Variants in OTOF observed in about 807,000 individuals in gnomAD.
OTOF encodes the protein fer-1-like family member 2.
A neutral mutation model predicts 236.8 loss-of-function variants in OTOF; 218 were observed. The observed-to-expected ratio is 0.92, with a 90% CI of 0.82 to 1.03. The LOEUF is 1.03. OTOF is among the 50% of genes least tolerant of loss of function. The pLI, the probability that OTOF is intolerant of heterozygous loss-of-function variation, is 0.00. For synonymous variants in OTOF, 1,041 were observed against 1,072.5 expected (o/e 0.97, Z 0.57); for missense variants, 2,590 against 2,694.4 (o/e 0.96, Z 0.86).
chr2:26,538,816 A>ATTTT (rs35315095), intron 1 of OTOF, among the ~76,000 whole-genome samples: 1,672 of 138,712 alleles, frequency 0.012, 38 homozygotes, highest in African/African-American at 0.037. Context: ...GGGAAACACC[A>ATTTT]TTTTTTTTTT....
At position 26,502,321 on chromosome 2, in the gene OTOF, G is replaced by A; in HGVS notation, c.689C>T (p.Thr230Ile). ...TCACCGCTTGTTGGAGACATTAGTG[G>A]TGAGAGCTGTGACTGAGGCTAGAGA... ...SVSLASVTAL[T>I]TNVSNKRSKP... The change falls in exon 7 of 47, where the codon ACC becomes ATC. Residue 230 changes from threonine (T) to isoleucine (I), a missense_variant. Coordinates refer to ENST00000272371, the MANE Select transcript of OTOF (RefSeq NM_194248.3). 1 of 1,614,094 alleles carries A rather than the reference G, an allele frequency of 6.2e-7. No homozygotes were observed. Among genetic ancestry groups the A allele is most frequent in the South Asian group, 1.1e-5 (1 of 91,082 alleles).
At chr2:26,468,115 G>A (rs1664819666) in intron 33 of OTOF, among the ~76,000 whole-genome samples, 1 of 152,206 alleles carries the variant, frequency 6.6e-6, no homozygotes, top group South Asian at 2.1e-4. Flanking sequence ...ATGGAAAAGA[G>A]TCTGGAAAAT....
chr2:26,471,857 ACACATGCACATATGCACACAAGCG>A (rs1664993488), intron 30 of OTOF, among the ~76,000 whole-genome samples: 2 of 151,922 alleles, frequency 1.3e-5, no homozygotes, highest in South Asian at 4.2e-4. Context: ...TACCACATGC[ACACATGCACATATGCACACAAGCG>A]CACATGCACA....
At chr2:26,546,527 T>G (rs997910078) in intron 1 of OTOF, among the ~76,000 whole-genome samples, 1 of 152,152 alleles carries the variant, frequency 6.6e-6, no homozygotes, top group Non-Finnish European at 1.5e-5. Context: ...AGCTGTGGTG[T>G]GAACCCTCCA....
chr2:26,458,345 G>A (rs1664288593), intron 46 of OTOF, 125 bp from the exon 47 acceptor site: 2 of 989,396 alleles, frequency 2.0e-6, no homozygotes, highest in Admixed American at 2.0e-5. Context: ...AGCAGTGAAT[G>A]CTGGAGCCAG....
chr2:26,504,967 C>T (rs1008741354), intron 5 of OTOF, among the ~76,000 whole-genome samples: 3 of 152,138 alleles, frequency 2.0e-5, no homozygotes, highest in Non-Finnish European at 4.4e-5. Flanking sequence ...ACTATGGTTT[C>T]TAAGACCCCA....
intron 2 of OTOF, among the ~76,000 whole-genome samples, 174 bp from the exon 3 acceptor site, chr2:26,528,094 C>T (rs547158291): frequency 6.6e-6 from 1 of 152,296 alleles, no homozygotes; most frequent in East Asian, 1.9e-4. Context: ...TTCCAACAAC[C>T]ACCTTGTAGA....
At position 26,493,949 on chromosome 2, in the gene OTOF, T is replaced by C. The variant is rs535795986; in HGVS notation, c.897+993A>G. Among the ~76,000 whole-genome samples, 4 of 152,344 alleles carry C rather than the reference T, an allele frequency of 2.6e-5. No individual in the cohort carries two copies. The South Asian group carries it at 8.3e-4, about 32-fold the overall frequency. ...AAGACCGTTATTAAAAGTCTCACTT[T>C]CGCTGTTCTTCATGCCTCTAAGTCA... On this transcript the variant is annotated intron_variant, in intron 9 of 46. Transcript: ENST00000272371.
intron 33 of OTOF, among the ~76,000 whole-genome samples, chr2:26,467,742 G>A (rs771473343): frequency 1.3e-5 from 2 of 152,208 alleles, no homozygotes; most frequent in Non-Finnish European, 1.5e-5. Context: ...AGAGGGGCAG[G>A]AAGGAGCATG....
chr2:26,477,683 G>A lies in OTOF; in HGVS notation c.2281C>T (p.Arg761Trp), dbSNP rs137982529. 7.4e-6 allele frequency: 12 copies of A among 1,612,254 alleles called. No homozygotes were observed. The highest frequency in any genetic ancestry group is 4.0e-5 in the African/African-American group (3 of 74,900). ...CAGCTCAGCTCCTCCAGGACGCCCC[G>A]CAGGCGACGCTCAGGGTAGGACTTC... ...TEKSYPERRL[R>W]GVLEELSCGC... Residue 761 changes from arginine (R) to tryptophan (W), a missense_variant, in exon 19 of 47, where the codon CGG becomes TGG. By Grantham distance (101) the Arg-to-Trp change is moderately radical. Around this residue, in one of 2 missense-constraint regions of OTOF, gnomAD observed 1,379 missense variants for 1,341.6 expected, o/e 1.03. Coordinates refer to ENST00000272371, the MANE Select transcript of OTOF (RefSeq NM_194248.3). This position sits in a 1 kb window ranked among gnomAD's most constrained non-coding sequence, Gnocchi z 4.7.
chr2:26,543,956 A>C (rs1667267346), intron 1 of OTOF, among the ~76,000 whole-genome samples: 1 of 152,222 alleles, frequency 6.6e-6, no homozygotes. Flanking sequence ...CCTGACTTTA[A>C]GTGATCCTCC....
intron 5 of OTOF, among the ~76,000 whole-genome samples, chr2:26,512,885 T>C (rs1666424451): frequency 1.3e-5 from 2 of 152,174 alleles, no homozygotes; most frequent in South Asian, 2.1e-4. Flanking sequence ...CTGGCACTTC[T>C]GTGAGGCATC....
chr2:26,476,906 C>G lies in OTOF; in HGVS notation c.2661G>C (p.Lys887Asn). 2 of 1,611,036 alleles carry G rather than the reference C, an allele frequency of 1.2e-6. No individual in the cohort carries two copies. The highest frequency in any genetic ancestry group is 1.7e-6 in the Non-Finnish European group (2 of 1,179,876). The part of the protein sequence containing the change: ...EETGKDCAKV[K>N]TLFLKLPGKR... ...CCTCCAGCACCTTAAGGAAGAGCGT[C>G]TTGACCTTGGCGCAGTCCTTGCCAG... The change falls in exon 22 of 47, where the codon AAG becomes AAC. Residue 887 changes from lysine to asparagine, a missense_variant. Physicochemically the swap from Lys to Asn is moderately conservative, Grantham distance 94. This residue lies in a region of OTOF where 1,379 missense variants were observed against 1,341.6 expected (regional missense o/e 1.03). Transcript: ENST00000272371.
chr2:26,494,643 T>C (rs1665930544), intron 9 of OTOF, among the ~76,000 whole-genome samples: 2 of 106,476 alleles, frequency 1.9e-5, no homozygotes, highest in Non-Finnish European at 3.6e-5. Context: ...ACCAGGCCTC[T>C]TGGGGAGTGG....
chr2:26,518,386 T>G (rs1346804438), intron 4 of OTOF, among the ~76,000 whole-genome samples: 1 of 152,196 alleles, frequency 6.6e-6, no homozygotes, highest in African/African-American at 2.4e-5. Context: ...CAGCCTAAGA[T>G]TCATACTCAG....
chr2:26,553,733 G>A (rs1294864623), intron 1 of OTOF, among the ~76,000 whole-genome samples: 1 of 152,060 alleles, frequency 6.6e-6, no homozygotes. Flanking sequence ...CCTCCCTTCT[G>A]AGCTCCGGGG....
At chr2:26,531,695 T>C (rs1337962652) in intron 2 of OTOF, among the ~76,000 whole-genome samples, 1 of 152,104 alleles carries the variant, frequency 6.6e-6, no homozygotes, top group African/African-American at 2.4e-5. Flanking sequence ...TTTCCTCCAT[T>C]TGGGGTGATA....
rs534752803 is a variant in OTOF at position 26,475,347 on chromosome 2, G to A, written c.3126+12C>T. ...TGCTGCTGGGGTCCCTGGCACCAGA[G>A]CCCACCCATACCATGGAATCCTGGT... On this transcript the variant is annotated intron_variant, in intron 25 of 46. Coordinates refer to ENST00000272371, the MANE Select transcript of OTOF (RefSeq NM_194248.3). The A allele has an allele frequency of 3.1e-6, 5 of 1,612,772 alleles. No homozygotes were observed. The African/African-American group carries it at 5.3e-5, about 17-fold the overall frequency.
At position 26,516,530 on chromosome 2, in the gene OTOF, A is replaced by C; in HGVS notation, c.397T>G (p.Phe133Val). 1 of 1,613,178 alleles carries C rather than the reference A, an allele frequency of 6.2e-7. No individual in the cohort carries two copies. Among genetic ancestry groups the C allele is most frequent in the Non-Finnish European group, 8.5e-7 (1 of 1,179,988 alleles). The change falls in exon 5 of 47, where the codon TTC becomes GTC. Residue 133 changes from phenylalanine to valine, a missense_variant. Around this residue, in one of 2 missense-constraint regions of OTOF, gnomAD observed 1,379 missense variants for 1,341.6 expected, o/e 1.03. Transcript: ENST00000272371. The stretch of plus-strand genomic sequence containing the variant: ...TCTTGAAGAGACTCATCTCCCAGGA[A>C]GTCCCCATCGTCCCAGGAGCCCACT... ...GTVGSWDDGD[F>V]LGDESLQEEE...
Sources: allele counts gnomAD v4.1 joint callset (sites outside exome capture counted in the v4.1 genomes callset), GRCh38; gene constraint gnomAD v4.1.1; regional missense constraint gnomAD v4.1.1; non-coding constraint Gnocchi (gnomAD v3.1); transcripts MANE v1.5; gene names NCBI Gene and HGNC (gene_info 2026-07-23, HGNC 2026-07-21).